ILDR2: variants seen among roughly 807,000 people sequenced by gnomAD.
ILDR2 encodes the protein immunoglobulin like domain containing receptor 2, also known as immunoglobulin-like domain-containing receptor 2.
ILDR2 carries 25 observed loss-of-function variants against 66.8 expected under a neutral mutation model. That is an observed-to-expected ratio of 0.37 (90% CI 0.27 to 0.52). The LOEUF is 0.52. ILDR2 is among the 20% of genes least tolerant of loss of function. The pLI, the probability that ILDR2 is intolerant of heterozygous loss-of-function variation, is 0.88. For missense variants in ILDR2, 827 were observed against 876.8 expected (o/e 0.94, Z 0.72); for synonymous variants, 367 against 357.2 (o/e 1.03, Z -0.31).
In ILDR2 at chr1:166,916,331, TA is replaced by T. The variant is rs1659642479; in HGVS notation, c.*3023del. 6.6e-6 allele frequency: 1 copy of T among 152,200 alleles called. No individual in the cohort carries two copies. Among genetic ancestry groups the T allele is most frequent in the South Asian group, 2.1e-4 (1 of 4,834 alleles). 9.4% of individuals were successfully genotyped at this position (152,200 alleles called of 1,614,324 possible). ...TTAATATCAAAGTATTCTCATTTTT[TA>T]AAAAAACTAAATCTCTGGTTTTATT... On this transcript the variant is annotated 3_prime_UTR_variant, in exon 10 of 10. Transcript: ENST00000271417.
chr1:166,956,616 G>T (rs1245460384), intron 3 of ILDR2, 117 bp downstream of exon 3: 27 of 1,097,414 alleles, frequency 2.5e-5, no homozygotes, highest in Non-Finnish European at 2.6e-5. Context: ...GTGCATGAAA[G>T]ATAAGACTGT....
Position 166,958,012 on chromosome 1 carries a change from T to C in ILDR2, c.136A>G (p.Thr46Ala). Residue 46 changes from threonine to alanine, a missense_variant, in exon 2 of 10, where the codon ACA becomes GCA. Around this residue, in one of 2 missense-constraint regions of ILDR2, gnomAD observed 437 missense variants for 523.2 expected, o/e 0.84. Transcript: ENST00000271417. Reference sequence around the variant, plus strand: ...ACAACTGCAGGCTGATGGGAGGATGTTGAGAAGTGGCAGCGAAGCACAGTG... The same window carrying C: ...ACAACTGCAGGCTGATGGGAGGATGCTGAGAAGTGGCAGCGAAGCACAGTG... ...QPTVLRCHFSTSSHQPAVVQW... is the reference protein window; with the variant it reads ...QPTVLRCHFSASSHQPAVVQW... 1.9e-6 allele frequency: 3 copies of C among 1,614,150 alleles called. No homozygotes were observed. Among genetic ancestry groups the C allele is most frequent in the South Asian group, 1.1e-5 (1 of 91,066 alleles).
At chr1:166,970,242 A>T (rs968208186) in intron 1 of ILDR2, among the ~76,000 whole-genome samples, 6 of 152,188 alleles carry the variant, frequency 3.9e-5, no homozygotes, top group African/African-American at 1.2e-4. Context: ...GTCCAGCAAC[A>T]GCTCCATTTG....
intron 7 of ILDR2, among the ~76,000 whole-genome samples, chr1:166,925,094 A>G (rs1425156385): frequency 6.6e-6 from 1 of 152,140 alleles, no homozygotes; most frequent in Non-Finnish European, 1.5e-5. Context: ...CCAGACTAAA[A>G]ACATCCCCTA....
chr1:166,923,639 C>G (rs1162951476), intron 7 of ILDR2, among the ~76,000 whole-genome samples: 1 of 152,172 alleles, frequency 6.6e-6, no homozygotes, highest in African/African-American at 2.4e-5. Context: ...CTGGCCCCAG[C>G]CCAAAAATAC....
chr1:166,901,885 C>T (rs1009482946), intron 2 of ILDR2, among the ~76,000 whole-genome samples: 2 of 152,184 alleles, frequency 1.3e-5, no homozygotes, highest in South Asian at 2.1e-4. Flanking sequence ...GACCTTCCTC[C>T]TTGGTGCCAG....
At chr1:166,951,755 C>T (rs1395662765) in intron 3 of ILDR2, among the ~76,000 whole-genome samples, 2 of 152,108 alleles carry the variant, frequency 1.3e-5, no homozygotes, top group Non-Finnish European at 2.9e-5. Context: ...TCCAAAAAAC[C>T]ATCTTGTTTA....
At chr1:166,905,066 G>A (rs1247404396), downstream of ILDR2, among the ~76,000 whole-genome samples, 1 of 152,138 alleles carries the variant, frequency 6.6e-6, no homozygotes, top group Non-Finnish European at 1.5e-5. Context: ...ACATTCTAAA[G>A]TCTCTCAAAA....
intron 3 of ILDR2, among the ~76,000 whole-genome samples, chr1:166,940,455 A>G (rs1326519683): frequency 1.3e-5 from 2 of 152,236 alleles, no homozygotes; most frequent in African/African-American, 4.8e-5. Context: ...CTAAACTAGT[A>G]GTACCATAAA....
intron 4 of ILDR2, 43 bp downstream of exon 4, chr1:166,939,471 A>AT: frequency 6.5e-7 from 1 of 1,527,572 alleles, no homozygotes; most frequent in Non-Finnish European, 9.1e-7. Flanking sequence ...GACAGATGGA[A>AT]TAACAGCAAA....
chr1:166,897,305 G>A (rs1659183990), intron 2 of ILDR2, among the ~76,000 whole-genome samples: 1 of 152,140 alleles, frequency 6.6e-6, no homozygotes, highest in Non-Finnish European at 1.5e-5. Context: ...GGTGTGTGTT[G>A]TATATTAAAT....
intron 1 of ILDR2, among the ~76,000 whole-genome samples, chr1:166,963,370 C>T (rs1008734552): frequency 7.2e-5 from 11 of 152,126 alleles, no homozygotes; most frequent in African/African-American, 2.7e-4. Context: ...GTTTTATAGA[C>T]GAAGAGACTG....
intron 2 of ILDR2, among the ~76,000 whole-genome samples, chr1:166,899,379 TGA>T (rs1659224289): frequency 6.9e-6 from 1 of 145,120 alleles, no homozygotes; most frequent in Non-Finnish European, 1.5e-5. Context: ...GGTGACAGAA[TGA>T]GACTCCATCT....
chr1:166,971,063 C>A (rs1294112603), intron 1 of ILDR2, among the ~76,000 whole-genome samples: 2 of 152,204 alleles, frequency 1.3e-5, no homozygotes, highest in African/African-American at 4.8e-5. Flanking sequence ...TGAAACCAGA[C>A]CAACTAATGA....
At chr1:166,937,420 C>A (rs1436444767) in intron 4 of ILDR2, among the ~76,000 whole-genome samples, 1 of 152,198 alleles carries the variant, frequency 6.6e-6, no homozygotes, top group Non-Finnish European at 1.5e-5. Flanking sequence ...AGACACTGTC[C>A]CCGTGAACAG....
rs891431703 is a variant in ILDR2 at position 166,920,570 on chromosome 1, G to C, written c.1884+137C>G. The stretch of plus-strand genomic sequence containing the variant: ...TAGCATCCGCGGACGAACTCGCCCA[G>C]GCAGGCCCCTGCGGCCTCTCCGGCA... On this transcript the variant is annotated intron_variant, in intron 9 of 9. Transcript: ENST00000271417. 8 of 997,344 alleles carry C rather than the reference G, an allele frequency of 8.0e-6. No homozygotes were observed. In the African/African-American group the frequency reaches 1.2e-4, roughly 15 times the overall value. The allele number at this position is 997,344 out of a possible 1,614,324, so 61.8% of individuals were successfully genotyped here.
intron 6 of ILDR2, among the ~76,000 whole-genome samples, chr1:166,928,547 T>C (rs988459577): frequency 6.6e-6 from 1 of 152,204 alleles, no homozygotes; most frequent in African/African-American, 2.4e-5. Context: ...GCATTCCCTG[T>C]TCCCAAAGTG....
chr1:166,972,260 CTT>C (rs929727319), intron 1 of ILDR2, among the ~76,000 whole-genome samples: 4 of 151,982 alleles, frequency 2.6e-5, no homozygotes, highest in African/African-American at 9.7e-5. Context: ...ATCAAGCAAT[CTT>C]TGTCATAGAG....
At chr1:166,899,865 T>C (rs1194619969) in intron 2 of ILDR2, among the ~76,000 whole-genome samples, 1 of 152,170 alleles carries the variant, frequency 6.6e-6, no homozygotes, top group East Asian at 1.9e-4. Flanking sequence ...AACAGATCTG[T>C]AAGAGTTCCA....
Sources: allele counts gnomAD v4.1 joint callset (sites outside exome capture counted in the v4.1 genomes callset), GRCh38; gene constraint gnomAD v4.1.1; regional missense constraint gnomAD v4.1.1; transcripts MANE v1.5; gene names NCBI Gene and HGNC (gene_info 2026-07-23, HGNC 2026-07-21).